Variants in GLIPR1L1 observed in about 807,000 individuals in gnomAD.
GLIPR1L1 encodes GLIPR1-like protein 1.
GLIPR1L1 carries 26 observed loss-of-function variants against 29.9 expected under a neutral mutation model. That is an observed-to-expected ratio of 0.87 (90% CI 0.64 to 1.21). The LOEUF (loss-of-function observed/expected upper bound fraction) is 1.21, where lower values mean the gene tolerates loss of function less well. GLIPR1L1 is among the 50% of genes most tolerant of loss of function. The pLI is 0.00. For missense variants in GLIPR1L1, 305 were observed against 290.3 expected, an observed-to-expected ratio of 1.05 and a Z score of -0.37; for synonymous variants, 77 against 97.5, an observed-to-expected ratio of 0.79 and a Z score of 1.24.
At chr12:75,347,130 T>C (rs2042507348) in intron 2 of GLIPR1L1, among the ~76,000 whole-genome samples, 2 of 151,930 alleles carry the variant, frequency 1.3e-5, no homozygotes, top group African/African-American at 4.8e-5. Context: ...ATCAACTCAA[T>C]ATGTTTTTCA....
At chr12:75,367,724 T>G (rs560149435) in intron 4 of GLIPR1L1, among the ~76,000 whole-genome samples, 23 of 152,298 alleles carry the variant, frequency 1.5e-4, no homozygotes, top group African/African-American at 5.3e-4. Flanking sequence ...TTTTATATGA[T>G]GACAAATCAT....
At chr12:75,359,105 A>G (rs1041031520) in intron 3 of GLIPR1L1, among the ~76,000 whole-genome samples, 1 of 150,442 alleles carries the variant, frequency 6.6e-6, no homozygotes, top group African/African-American at 2.4e-5. Flanking sequence ...AAGTTTAGCA[A>G]TCTTTTAGGA....
At chr12:75,335,859 A>G (rs1160842691) in intron 1 of GLIPR1L1, among the ~76,000 whole-genome samples, 1 of 152,036 alleles carries the variant, frequency 6.6e-6, no homozygotes, top group Non-Finnish European at 1.5e-5. Context: ...CTTCAACGGA[A>G]TTCAGAAATA....
At chr12:75,335,351 G>A (rs1449632821) in intron 1 of GLIPR1L1, among the ~76,000 whole-genome samples, 1 of 151,948 alleles carries the variant, frequency 6.6e-6, no homozygotes, top group African/African-American at 2.4e-5. Context: ...CACTTCATGT[G>A]TAGTATTATT....
At chr12:75,366,989 G>C in intron 4 of GLIPR1L1, 1 of 701,642 alleles carries the variant, frequency 1.4e-6, no homozygotes, top group Non-Finnish European at 2.6e-6. Flanking sequence ...GTAACAAAAT[G>C]TCCTTTCTCT....
In GLIPR1L1 at chr12:75,343,966, G is replaced by A. The variant is rs765800888; in HGVS notation, c.420+28G>A. ...AAATATTTGACATCTTTATTGATTA[G>A]TTCTTATTTGTGCATATTTTAATTG... is the stretch of plus-strand genomic sequence containing the variant. On this transcript the variant is annotated intron_variant, in intron 2 of 5. Transcript: ENST00000378695. The A allele has an allele frequency of 2.6e-6, 4 of 1,538,134 alleles. No individual in the cohort carries two copies. In the African/African-American group the frequency reaches 4.1e-5, roughly 16 times the overall value.
intron 3 of GLIPR1L1, among the ~76,000 whole-genome samples, chr12:75,351,437 A>G (rs1222447807): frequency 6.6e-6 from 1 of 152,348 alleles, no homozygotes; most frequent in East Asian, 1.9e-4. Context: ...AGCCAGAGAG[A>G]AAGGCCAGGC....
At chr12:75,352,595 G>T (rs1024987803) in intron 3 of GLIPR1L1, among the ~76,000 whole-genome samples, 9 of 152,168 alleles carry the variant, frequency 5.9e-5, no homozygotes, top group Admixed American at 6.5e-5. Flanking sequence ...CCAGATGACA[G>T]AGACAGAATA....
At chr12:75,336,695 T>C (rs187212104) in intron 1 of GLIPR1L1, among the ~76,000 whole-genome samples, 151 of 151,890 alleles carry the variant, frequency 9.9e-4, no homozygotes, top group South Asian at 5.0e-3. Context: ...AAAACAGTCA[T>C]AGAGATTTTA....
chr12:75,347,573 G>A, intron 2 of GLIPR1L1, 49 bp from the exon 3 acceptor site: 2 of 1,161,840 alleles, frequency 1.7e-6, no homozygotes. Flanking sequence ...TGCATTGTTT[G>A]CATAGAATTG....
At chr12:75,344,263 A>G (rs2042305164) in intron 2 of GLIPR1L1, among the ~76,000 whole-genome samples, 1 of 152,128 alleles carries the variant, frequency 6.6e-6, no homozygotes, top group South Asian at 2.1e-4. Flanking sequence ...CAAGTTACTC[A>G]TGTAGAAAGC....
intron 1 of GLIPR1L1, among the ~76,000 whole-genome samples, chr12:75,335,469 T>C (rs1403111400): frequency 6.6e-6 from 1 of 152,204 alleles, no homozygotes; most frequent in Non-Finnish European, 1.5e-5. Context: ...AATTGTATGA[T>C]TGGAAATTTC....
chr12:75,346,244 G>T (rs145635914), intron 2 of GLIPR1L1, among the ~76,000 whole-genome samples: 223 of 152,232 alleles, frequency 1.5e-3, no homozygotes, highest in African/African-American at 5.0e-3. Context: ...ATATATTTTA[G>T]TTGTATTTTT....
chr12:75,369,834 T>A, intron 4 of GLIPR1L1, 126 bp from the exon 5 acceptor site: 1 of 1,326,196 alleles, frequency 7.5e-7, no homozygotes, highest in Non-Finnish European at 9.6e-7. Context: ...AAAGTTTCAT[T>A]TTCTTGTTAA....
intron 3 of GLIPR1L1, among the ~76,000 whole-genome samples, chr12:75,353,820 T>C (rs2042967697): frequency 6.6e-6 from 1 of 152,204 alleles, no homozygotes; most frequent in Non-Finnish European, 1.5e-5. Context: ...ATCCCCAGGA[T>C]GCAAGTCTGG....
chr12:75,367,119 A>G (rs1326663361), intron 4 of GLIPR1L1: 1 of 673,124 alleles, frequency 1.5e-6, no homozygotes. Context: ...TGGAGAAGAC[A>G]CTTTAGAATA....
intron 4 of GLIPR1L1, chr12:75,365,060 TC>T (rs1411656300): frequency 6.6e-6 from 1 of 152,110 alleles, no homozygotes; most frequent in Non-Finnish European, 1.5e-5. Context: ...ACTAATTATA[TC>T]CCTCAAAACC....
At chr12:75,362,520 T>G (rs2043669150) in intron 3 of GLIPR1L1, among the ~76,000 whole-genome samples, 1 of 152,166 alleles carries the variant, frequency 6.6e-6, no homozygotes, top group African/African-American at 2.4e-5. Flanking sequence ...GTAACTAAAT[T>G]GTGGCATATT....
chr12:75,341,092 T>C (rs898403588), intron 1 of GLIPR1L1, among the ~76,000 whole-genome samples: 2 of 152,112 alleles, frequency 1.3e-5, no homozygotes, highest in Admixed American at 1.3e-4. Context: ...ATTGCACTTC[T>C]GGGCACTTTT....
Sources: allele counts gnomAD v4.1 joint callset (sites outside exome capture counted in the v4.1 genomes callset), GRCh38; gene constraint gnomAD v4.1.1; transcripts MANE v1.5; gene names NCBI Gene and HGNC (gene_info 2026-07-23, HGNC 2026-07-21).